Variants in FOXP1 observed in about 807,000 individuals in gnomAD.
The protein encoded by FOXP1 is forkhead box protein P1.
Under a neutral mutation model 98.2 loss-of-function variants are expected in FOXP1, and 15 were observed. That is an observed-to-expected ratio of 0.15 (90% confidence interval 0.10 to 0.24). The LOEUF is 0.24. Ranked by LOEUF, FOXP1 falls within the 10% of genes least tolerant of loss-of-function variation. The pLI, the probability that FOXP1 is intolerant of heterozygous loss-of-function variation, is 1.00. For missense variants in FOXP1, 633 were observed against 848.5 expected (o/e 0.75, Z 3.15); for synonymous variants, 371 against 314.5 (o/e 1.18, Z -1.90).
intron 3 of FOXP1, among the ~76,000 whole-genome samples, chr3:71,470,963 G>T (rs2089285995): frequency 1.3e-5 from 2 of 152,192 alleles, no homozygotes; most frequent in Non-Finnish European, 2.9e-5. Flanking sequence ...TCTACAATGG[G>T]AGCAGTTAGA....
chr3:71,323,841 T>C (rs945124990), intron 4 of FOXP1, among the ~76,000 whole-genome samples: 2 of 152,192 alleles, frequency 1.3e-5, no homozygotes, highest in Non-Finnish European at 2.9e-5. Context: ...TGCACATTAA[T>C]GACTCTAACT....
intron 3 of FOXP1, among the ~76,000 whole-genome samples, chr3:71,449,223 A>G (rs1467827083): frequency 6.6e-6 from 1 of 152,212 alleles, no homozygotes; most frequent in African/African-American, 2.4e-5. Flanking sequence ...AGCAGGGCCC[A>G]AATTATAGGA....
At chr3:71,556,674 T>C (rs1253645617) in intron 2 of FOXP1, among the ~76,000 whole-genome samples, 1 of 151,948 alleles carries the variant, frequency 6.6e-6, no homozygotes, top group East Asian at 1.9e-4. Context: ...TCTTTTTTTT[T>C]TTTAAGGTTT....
At chr3:71,416,585 C>CAT (rs2083237675) in intron 3 of FOXP1, among the ~76,000 whole-genome samples, 1 of 121,980 alleles carries the variant, frequency 8.2e-6, no homozygotes, top group African/African-American at 2.9e-5. Context: ...CACACACACA[C>CAT]ACACACACGC....
chr3:71,477,015 G>T (rs1325154185), intron 3 of FOXP1, among the ~76,000 whole-genome samples: 1 of 152,106 alleles, frequency 6.6e-6, no homozygotes, highest in African/African-American at 2.4e-5. Flanking sequence ...AGACACCTTT[G>T]GTTTTCAGAG....
chr3:71,308,095 G>C (rs902408062), intron 4 of FOXP1, among the ~76,000 whole-genome samples: 10 of 151,700 alleles, frequency 6.6e-5, no homozygotes, highest in Non-Finnish European at 1.2e-4. Flanking sequence ...CAGAGTCAAA[G>C]ATGTCATCCT....
intron 3 of FOXP1, among the ~76,000 whole-genome samples, chr3:71,426,184 T>G (rs1466085175): frequency 6.6e-6 from 1 of 152,184 alleles, no homozygotes; most frequent in Non-Finnish European, 1.5e-5. Context: ...ATTGAAAAGA[T>G]CCTATGAACA....
intron 6 of FOXP1, among the ~76,000 whole-genome samples, chr3:71,143,696 C>T (rs2060174578): frequency 1.3e-5 from 2 of 152,080 alleles, no homozygotes; most frequent in South Asian, 4.1e-4. Flanking sequence ...GAGTTAGAGG[C>T]CACCCTGGGC....
rs1036802110 is a variant in FOXP1 at position 71,363,799 on chromosome 3, G to C, written c.-167-4555C>G. 2.0e-5 allele frequency among the ~76,000 whole-genome samples: 3 copies of C among 152,318 alleles called. No homozygotes were observed. In the East Asian group the frequency reaches 5.8e-4, roughly 29 times the overall value. On this transcript the variant is annotated intron_variant, in intron 3 of 20. Coordinates refer to ENST00000649528, the MANE Select transcript of FOXP1 (RefSeq NM_001349338.3). ...CCCTTGTAGTTAGGTGGGGCCTGGT[G>C]ACTGAGTTCTAACCAAATAGATGGA...
chr3:71,078,365 C>A (rs761435839), intron 7 of FOXP1, among the ~76,000 whole-genome samples: 1 of 152,126 alleles, frequency 6.6e-6, no homozygotes, highest in Non-Finnish European at 1.5e-5. Context: ...GACCTCATCA[C>A]GTGCAAAAAG....
intron 2 of FOXP1, among the ~76,000 whole-genome samples, chr3:71,494,320 C>T (rs1179075910): frequency 2.0e-5 from 3 of 152,202 alleles, no homozygotes; most frequent in Non-Finnish European, 4.4e-5. Context: ...TTGAAAGAAG[C>T]ATATTTCTTC....
At position 71,013,488 on chromosome 3, in the gene FOXP1, T is replaced by A. The variant is rs7635544; in HGVS notation, c.974+2061A>T. 3.5e-3 allele frequency among the ~76,000 whole-genome samples: 539 copies of A among 152,064 alleles called. 4 individuals carry two copies. The highest frequency in any genetic ancestry group is 0.012 in the African/African-American group (509 of 41,526). ...AGGAGAACTACAAACCACTGCTCAA[T>A]GAAATAAAAGAGGATACAAACAAAT... On this transcript the variant is annotated intron_variant, in intron 12 of 20. Transcript: ENST00000649528.
intron 6 of FOXP1, among the ~76,000 whole-genome samples, chr3:71,168,822 A>G (rs1473421060): frequency 6.6e-6 from 1 of 152,244 alleles, no homozygotes; most frequent in African/African-American, 2.4e-5. Flanking sequence ...AAGTACTTCT[A>G]TAGAACCAAG....
intron 6 of FOXP1, among the ~76,000 whole-genome samples, chr3:71,185,092 C>T (rs1394575644): frequency 1.3e-5 from 2 of 151,986 alleles, no homozygotes; most frequent in Non-Finnish European, 2.9e-5. Flanking sequence ...ACTCAGGAGG[C>T]TGAGGCACAA....
At chr3:71,218,232 G>T (rs1212258160) in intron 5 of FOXP1, among the ~76,000 whole-genome samples, 2 of 152,136 alleles carry the variant, frequency 1.3e-5, no homozygotes, top group Admixed American at 1.3e-4. Context: ...TGATGTAATA[G>T]GTCTCCATGT....
At chr3:71,375,651 G>A (rs533570638) in intron 3 of FOXP1, among the ~76,000 whole-genome samples, 10 of 152,090 alleles carry the variant, frequency 6.6e-5, no homozygotes, top group Non-Finnish European at 1.3e-4. Flanking sequence ...ACTGAAACAC[G>A]TTGAGGAAAT....
At chr3:71,206,928 A>G (rs1350902048) in intron 5 of FOXP1, among the ~76,000 whole-genome samples, 1 of 152,234 alleles carries the variant, frequency 6.6e-6, no homozygotes, top group Non-Finnish European at 1.5e-5. Context: ...CTAGGAAACA[A>G]GTACAAAGCA....
chr3:71,130,654 C>T (rs1559994140), intron 6 of FOXP1: 1 of 1,596,476 alleles, frequency 6.3e-7, no homozygotes, highest in East Asian at 2.2e-5. Flanking sequence ...GCGGCTGAAG[C>T]ACACTCGAAG....
intron 20 of FOXP1, among the ~76,000 whole-genome samples, chr3:70,964,891 T>C (rs1433362090): frequency 6.6e-6 from 1 of 152,226 alleles, no homozygotes; most frequent in Admixed American, 6.5e-5. Flanking sequence ...TGTCATTAGA[T>C]GCCAATTCCA....
Sources: allele counts gnomAD v4.1 joint callset (sites outside exome capture counted in the v4.1 genomes callset), GRCh38; gene constraint gnomAD v4.1.1; transcripts MANE v1.5; gene names NCBI Gene and HGNC (gene_info 2026-07-23, HGNC 2026-07-21).